Variants in BCHE observed in about 807,000 individuals in gnomAD.
BCHE encodes butyrylcholinesterase, also known as cholinesterase.
Under a neutral mutation model 51.3 loss-of-function variants are expected in BCHE, and 48 were observed. The observed-to-expected ratio is 0.94, with a 90% CI of 0.74 to 1.19. The LOEUF is 1.19. BCHE is among the 50% of genes most tolerant of loss of function. The pLI, the probability that BCHE is intolerant of heterozygous loss-of-function variation, is 0.00. For missense variants in BCHE, 847 were observed against 708.2 expected (o/e 1.20, Z -2.23); for synonymous variants, 251 against 238.0 (o/e 1.05, Z -0.50).
intron 3 of BCHE, among the ~76,000 whole-genome samples, chr3:165,779,684 C>T (rs1712608403): frequency 6.6e-6 from 1 of 151,992 alleles, no homozygotes; most frequent in African/African-American, 2.4e-5. Context: ...AGAGAATAAA[C>T]TATGTAGGAA....
At chr3:165,774,083 A>G (rs1211706839) in intron 3 of BCHE, among the ~76,000 whole-genome samples, 1 of 152,114 alleles carries the variant, frequency 6.6e-6, no homozygotes, top group African/African-American at 2.4e-5. Context: ...CATACCTAAT[A>G]TAATGAAAGT....
At chr3:165,804,372 CAT>C (rs1217607757) in intron 2 of BCHE, among the ~76,000 whole-genome samples, 2 of 151,744 alleles carry the variant, frequency 1.3e-5, no homozygotes, top group Admixed American at 6.6e-5. Flanking sequence ...TTTCAGATTA[CAT>C]ATTTTTTTTT....
intron 2 of BCHE, among the ~76,000 whole-genome samples, chr3:165,825,511 T>C (rs1714686306): frequency 6.6e-6 from 1 of 152,046 alleles, no homozygotes; most frequent in Non-Finnish European, 1.5e-5. Flanking sequence ...CAAAGTAAGA[T>C]ATAAACTGGG....
At chr3:165,802,795 A>G (rs1161236838) in intron 2 of BCHE, among the ~76,000 whole-genome samples, 1 of 151,932 alleles carries the variant, frequency 6.6e-6, no homozygotes, top group Non-Finnish European at 1.5e-5. Flanking sequence ...AGGCTGGAGT[A>G]CCGTGGCGCG....
At chr3:165,789,074 T>A (rs983204232) in intron 2 of BCHE, among the ~76,000 whole-genome samples, 19 of 152,280 alleles carry the variant, frequency 1.2e-4, no homozygotes, top group Admixed American at 1.2e-3. Flanking sequence ...AATTTAAACA[T>A]CTTGACTTTG....
Position 165,828,737 on chromosome 3 carries a change from A to G in BCHE, c.1517+780T>C, listed in dbSNP as rs572803444. 4.6e-5 allele frequency among the ~76,000 whole-genome samples: 7 copies of G among 152,238 alleles called. No homozygotes were observed. In the East Asian group the frequency reaches 1.2e-3, roughly 25 times the overall value. ...GGTTTACAAATGTAGTGGGAGAAAA[A>G]AAAACTACTTTATTTTCTATAGATA... On this transcript the variant is annotated intron_variant, in intron 2 of 3. Coordinates refer to ENST00000264381, the MANE Select transcript of BCHE (RefSeq NM_000055.4).
chr3:165,831,124 T>C, intron 1 of BCHE, 83 bp from the exon 2 acceptor site: 2 of 1,195,572 alleles, frequency 1.7e-6, no homozygotes, highest in South Asian at 2.7e-5. Context: ...ACCTAAAATA[T>C]AGTCGTTAGT....
At chr3:165,811,274 G>A (rs1011857311) in intron 2 of BCHE, among the ~76,000 whole-genome samples, 1 of 152,050 alleles carries the variant, frequency 6.6e-6, no homozygotes, top group Admixed American at 6.6e-5. Flanking sequence ...ATTTAGAAAT[G>A]ATCTCTACAT....
At chr3:165,773,977 G>C (rs2686405) in intron 3 of BCHE, among the ~76,000 whole-genome samples, 98,117 of 151,858 alleles carry the variant, frequency 0.65, 33,319 homozygotes, top group East Asian at 0.8. Flanking sequence ...GTTGGTTCTA[G>C]GACCTCTCAG....
chr3:165,831,183 C>A, intron 1 of BCHE, 142 bp from the exon 2 acceptor site: 6 of 675,616 alleles, frequency 8.9e-6, no homozygotes, highest in Admixed American at 3.2e-5. Flanking sequence ...TAAAGGCCTA[C>A]ATAGGAAAAA....
chr3:165,791,047 A>G (rs1319219834), intron 2 of BCHE, among the ~76,000 whole-genome samples: 1 of 152,178 alleles, frequency 6.6e-6, no homozygotes, highest in Non-Finnish European at 1.5e-5. Flanking sequence ...CCTGTAATCC[A>G]GCACTTTGGG....
intron 2 of BCHE, among the ~76,000 whole-genome samples, chr3:165,804,946 C>T (rs916583964): frequency 6.6e-6 from 1 of 152,160 alleles, no homozygotes; most frequent in African/African-American, 2.4e-5. Context: ...CAAAGCATTT[C>T]ACAGTTTATT....
At chr3:165,778,504 T>C (rs921815012) in intron 3 of BCHE, 34 of 232,392 alleles carry the variant, frequency 1.5e-4, no homozygotes, top group African/African-American at 6.6e-4. Context: ...CAGAATATAA[T>C]TTAAATTCTT....
intron 2 of BCHE, among the ~76,000 whole-genome samples, chr3:165,799,703 T>C (rs1178481047): frequency 1.3e-5 from 2 of 152,056 alleles, no homozygotes; most frequent in African/African-American, 2.4e-5. Flanking sequence ...AAAGTGAGCA[T>C]TGAACATTGA....
rs545658330 is a variant in BCHE at position 165,828,699 on chromosome 3, A to G, written c.1517+818T>C. On this transcript the variant is annotated intron_variant, in intron 2 of 3. Coordinates refer to ENST00000264381, the MANE Select transcript of BCHE (RefSeq NM_000055.4). The stretch of plus-strand genomic sequence containing the variant: ...ATTGGTGCAATTTACTCCCATGTAT[A>G]AAATGTGGTTTTGGTTTACAAATGT... Among the ~76,000 whole-genome samples, 6 of 152,164 alleles carry G rather than the reference A, an allele frequency of 3.9e-5. No individual in the cohort carries two copies. The East Asian group carries it at 1.2e-3, about 29-fold the overall frequency.
At chr3:165,777,809 A>G (rs1204632762) in intron 3 of BCHE, 1 of 452,508 alleles carries the variant, frequency 2.2e-6, no homozygotes, top group Admixed American at 2.4e-5. Context: ...CTCAATGTGA[A>G]GATGACAAGT....
rs1576671184 is a variant in BCHE, at chr3:165,829,975, T to C, written c.1059A>G (p.Glu353=). 1 of 1,613,780 alleles carries C rather than the reference T, an allele frequency of 6.2e-7. No homozygotes were observed. Among genetic ancestry groups the C allele is most frequent in the East Asian group, 2.2e-5 (1 of 44,870 alleles). Residue 353 remains glutamate (E), a synonymous_variant, in exon 2 of 4, where the codon GAA becomes GAG. Transcript: ENST00000264381. The part of the protein sequence containing the change: ...TQILVGVNKD[E]GTAFLVYGAP... ...CACCATAGACTAAAAAAGCTGTCCC[T>C]TCATCTTTATTAACACCCACCAAAA...
In BCHE at chr3:165,829,831, G is replaced by A; in HGVS notation, c.1203C>T (p.Tyr401=). 1 of 1,613,406 alleles carries A rather than the reference G, an allele frequency of 6.2e-7. No homozygotes were observed. The highest frequency in any genetic ancestry group is 8.5e-7 in the Non-Finnish European group (1 of 1,179,684). The change falls in exon 2 of 4, where the codon TAC becomes TAT. Residue 401 remains tyrosine (Y), a synonymous_variant. Coordinates refer to ENST00000264381, the MANE Select transcript of BCHE (RefSeq NM_000055.4). ...EFGKESILFH[Y]TDWVDDQRPE... is the part of the protein sequence containing the mutation. ...GTCTCTGATCATCTACCCAGTCTGT[G>A]TAATGAAAAAGGATGGATTCCTTTC...
At chr3:165,826,302 A>G (rs888454761) in intron 2 of BCHE, among the ~76,000 whole-genome samples, 2 of 152,164 alleles carry the variant, frequency 1.3e-5, no homozygotes, top group Non-Finnish European at 1.5e-5. Context: ...AGGAAATAGC[A>G]CTTAGCAGTG....
Sources: allele counts gnomAD v4.1 joint callset (sites outside exome capture counted in the v4.1 genomes callset), GRCh38; gene constraint gnomAD v4.1.1; transcripts MANE v1.5; gene names NCBI Gene and HGNC (gene_info 2026-07-23, HGNC 2026-07-21).